The following CHN2 variants were observed in gnomAD, a reference collection of about 807,000 sequenced individuals.
CHN2 encodes beta-chimaerin.
A neutral mutation model predicts 56.3 loss-of-function variants in CHN2; 35 were observed. The ratio of observed to expected loss-of-function variants is 0.62; its 90% confidence interval spans 0.47 to 0.82. The LOEUF (loss-of-function observed/expected upper bound fraction) is 0.82. Ranked by LOEUF, CHN2 falls within the 40% of genes least tolerant of loss-of-function variation. The probability of loss-of-function intolerance (pLI) is 0.00; values close to 1 mark genes in which losing one functional copy is unlikely to be tolerated. For synonymous variants in CHN2, 210 were observed against 212.8 expected (o/e 0.99, Z 0.12); for missense variants, 491 against 580.5 (o/e 0.85, Z 1.58).
chr7:29,281,976 G>A (rs116159521), intron 1 of CHN2, among the ~76,000 whole-genome samples: 205 of 152,248 alleles, frequency 1.3e-3, no homozygotes, highest in African/African-American at 4.6e-3. Flanking sequence ...ACTCCCTCCC[G>A]CCTCCTCCAT....
chr7:29,369,460 G>A (rs1042946164), intron 3 of CHN2, among the ~76,000 whole-genome samples: 2 of 152,160 alleles, frequency 1.3e-5, no homozygotes, highest in East Asian at 3.8e-4. Context: ...CTCTGGCCTT[G>A]TTGTGGGGAA....
intron 1 of CHN2, chr7:29,146,810 A>T (rs1792765037): frequency 6.5e-7 from 1 of 1,549,914 alleles, no homozygotes. Context: ...CTATCTTAAA[A>T]TTTCAACCCT....
At chr7:29,426,974 G>A (rs937382867) in intron 6 of CHN2, among the ~76,000 whole-genome samples, 1 of 152,082 alleles carries the variant, frequency 6.6e-6, no homozygotes, top group African/African-American at 2.4e-5. Context: ...TAATCTCTCT[G>A]ACTTCTCCTT....
intron 6 of CHN2, among the ~76,000 whole-genome samples, chr7:29,420,851 C>G (rs142410930): frequency 8.6e-4 from 130 of 151,230 alleles, no homozygotes; most frequent in Non-Finnish European, 1.4e-3. Flanking sequence ...GCTCTTTTGC[C>G]CAGGCTGGGG....
intron 7 of CHN2, among the ~76,000 whole-genome samples, chr7:29,488,684 C>T (rs1017436100): frequency 6.6e-6 from 1 of 151,984 alleles, no homozygotes; most frequent in Non-Finnish European, 1.5e-5. Flanking sequence ...AAACTTCACC[C>T]CCCCACCTCC....
At chr7:29,387,014 G>C (rs1800965645) in intron 3 of CHN2, among the ~76,000 whole-genome samples, 1 of 152,188 alleles carries the variant, frequency 6.6e-6, no homozygotes, top group African/African-American at 2.4e-5. Flanking sequence ...CAGTACTTAG[G>C]GGTGGTCCCC....
At chr7:29,344,777 G>T (rs3793279) in intron 1 of CHN2, among the ~76,000 whole-genome samples, 34,374 of 151,878 alleles carry the variant, frequency 0.23, 4,459 homozygotes, top group Non-Finnish European at 0.3. Flanking sequence ...CCTGGACAGG[G>T]CTACTCAAGG....
intron 1 of CHN2, among the ~76,000 whole-genome samples, chr7:29,273,355 A>ATATATATATATATATGTGTG (rs1584933055): frequency 2.7e-5 from 2 of 75,008 alleles, no homozygotes; most frequent in Admixed American, 1.2e-4. Context: ...ATATATATAT[A>ATATATATATATATATGTGTG]TATATATATA....
At chr7:29,469,311 T>C (rs1585505786) in intron 6 of CHN2, among the ~76,000 whole-genome samples, 1 of 152,248 alleles carries the variant, frequency 6.6e-6, no homozygotes, top group Non-Finnish European at 1.5e-5. Context: ...TGTTCCTGCA[T>C]GTACTTTAGC....
intron 7 of CHN2, among the ~76,000 whole-genome samples, chr7:29,493,181 T>C (rs147094870): frequency 7.2e-4 from 109 of 152,310 alleles, no homozygotes; most frequent in African/African-American, 2.5e-3. Flanking sequence ...CTTACTGTTA[T>C]GTTACAGTTG....
intron 3 of CHN2, among the ~76,000 whole-genome samples, chr7:29,368,749 T>C (rs1799374406): frequency 6.6e-6 from 1 of 152,206 alleles, no homozygotes; most frequent in African/African-American, 2.4e-5. Flanking sequence ...TTTTTGGATC[T>C]GGTTTTGAAC....
At chr7:29,161,282 T>C (rs1343971198) in intron 2 of CHN2, among the ~76,000 whole-genome samples, 2 of 152,176 alleles carry the variant, frequency 1.3e-5, no homozygotes, top group African/African-American at 4.8e-5. Flanking sequence ...CCAGTCCCCT[T>C]TGAACCCCGT....
chr7:29,387,663 G>A lies in CHN2; in HGVS notation c.145-6016G>A, dbSNP rs534559656. Among the ~76,000 whole-genome samples, 6 of 152,254 alleles carry A rather than the reference G, an allele frequency of 3.9e-5. No individual in the cohort carries two copies. The South Asian group carries it at 1.0e-3, about 26-fold the overall frequency. ...AGTAGCAGGGTGCTGAAAGACAAAGGGTGGGCTTCTCTCATATCTGTGTTC... is the reference window on the plus strand; with the variant it reads ...AGTAGCAGGGTGCTGAAAGACAAAGAGTGGGCTTCTCTCATATCTGTGTTC... On this transcript the variant is annotated intron_variant, in intron 3 of 12. Coordinates refer to ENST00000222792, the MANE Select transcript of CHN2 (RefSeq NM_004067.4).
chr7:29,375,102 C>G (rs189237776), intron 3 of CHN2, among the ~76,000 whole-genome samples: 1 of 147,904 alleles, frequency 6.8e-6, no homozygotes, highest in East Asian at 2.1e-4. Flanking sequence ...ATTGGTCAGG[C>G]GGGTCTTGAA....
intron 6 of CHN2, among the ~76,000 whole-genome samples, chr7:29,416,296 C>T (rs1032773284): frequency 6.6e-5 from 10 of 152,140 alleles, no homozygotes; most frequent in Admixed American, 2.6e-4. Flanking sequence ...AAAAAATACT[C>T]ATTAACCTGA....
chr7:29,266,266 C>T (rs1361171206), intron 1 of CHN2, among the ~76,000 whole-genome samples: 2 of 152,234 alleles, frequency 1.3e-5, no homozygotes, highest in East Asian at 3.9e-4. Context: ...CTTCTTTCTT[C>T]TGTAACTCCT....
At chr7:29,223,398 A>C (rs1785949151) in intron 1 of CHN2, among the ~76,000 whole-genome samples, 2 of 152,150 alleles carry the variant, frequency 1.3e-5, no homozygotes, top group Non-Finnish European at 2.9e-5. Flanking sequence ...TAATATACTC[A>C]GGTCTTCCAA....
chr7:29,242,798 A>G (rs894804254), intron 1 of CHN2, among the ~76,000 whole-genome samples: 6 of 149,708 alleles, frequency 4.0e-5, no homozygotes, highest in Non-Finnish European at 8.9e-5. Context: ...ACAGGAAGAA[A>G]AGTGAAAGAT....
chr7:29,338,261 C>G (rs962798260), intron 1 of CHN2, among the ~76,000 whole-genome samples: 1 of 152,158 alleles, frequency 6.6e-6, no homozygotes, highest in Non-Finnish European at 1.5e-5. Flanking sequence ...TTGGGCAAGG[C>G]ACCATCCTCT....
Sources: gnomAD v4.1 joint callset for allele counts (sites outside exome capture counted in the v4.1 genomes callset) on GRCh38, gnomAD v4.1.1 for gene constraint, MANE v1.5 for transcripts, NCBI Gene and HGNC (gene_info 2026-07-23, HGNC 2026-07-21) for gene names.